SRPK2: variants seen among roughly 807,000 people sequenced by gnomAD.
SRPK2 encodes the protein SFRS protein kinase 2.
Under a neutral mutation model 90.8 loss-of-function variants are expected in SRPK2, and 21 were observed. The ratio of observed to expected loss-of-function variants is 0.23; its 90% confidence interval spans 0.16 to 0.33. SRPK2 has a LOEUF of 0.33. SRPK2 is among the 10% of genes least tolerant of loss of function. SRPK2 has a pLI of 1.00. For missense variants in SRPK2, 620 were observed against 869.0 expected (o/e 0.71, Z 3.60); for synonymous variants, 288 against 311.1 (o/e 0.93, Z 0.78).
At chr7:105,265,467 C>A (rs1054699183) in intron 2 of SRPK2, among the ~76,000 whole-genome samples, 10 of 152,220 alleles carry the variant, frequency 6.6e-5, no homozygotes, top group African/African-American at 2.4e-4. Context: ...TGGAACCAAT[C>A]AATCCCCCTT....
intron 6 of SRPK2, among the ~76,000 whole-genome samples, chr7:105,161,454 A>C (rs1192300215): frequency 1.3e-5 from 2 of 152,204 alleles, no homozygotes; most frequent in Admixed American, 1.3e-4. Context: ...TACTCCAAAC[A>C]ACCTTAGGCA....
At chr7:105,273,274 G>A (rs997787304) in intron 2 of SRPK2, among the ~76,000 whole-genome samples, 1 of 151,188 alleles carries the variant, frequency 6.6e-6, no homozygotes, top group African/African-American at 2.4e-5. Context: ...TATATCATAC[G>A]CTCTGGAAAT....
chr7:105,396,820 A>G (rs202081744), intron 1 of SRPK2, among the ~76,000 whole-genome samples: 3 of 120,302 alleles, frequency 2.5e-5, no homozygotes, highest in Admixed American at 9.3e-5. Flanking sequence ...GAAAGAGAGA[A>G]AGAGAGAGAG....
At chr7:105,323,740 T>C (rs1217197035) in intron 2 of SRPK2, among the ~76,000 whole-genome samples, 1 of 152,076 alleles carries the variant, frequency 6.6e-6, no homozygotes, top group Non-Finnish European at 1.5e-5. Flanking sequence ...AATAACACAG[T>C]AATTTCCAAA....
chr7:105,268,359 T>G (rs568258035), intron 2 of SRPK2, among the ~76,000 whole-genome samples: 1 of 152,312 alleles, frequency 6.6e-6, no homozygotes, highest in Non-Finnish European at 1.5e-5. Flanking sequence ...CCTTACCATA[T>G]AAGAATAAAT....
At chr7:105,224,701 G>C (rs994204796) in intron 2 of SRPK2, among the ~76,000 whole-genome samples, 1 of 152,260 alleles carries the variant, frequency 6.6e-6, no homozygotes, top group South Asian at 2.1e-4. Context: ...TCAAGTTTCA[G>C]TTTCCCCTCA....
At chr7:105,376,588 T>A (rs535462244) in intron 2 of SRPK2, among the ~76,000 whole-genome samples, 1 of 151,166 alleles carries the variant, frequency 6.6e-6, no homozygotes, top group East Asian at 1.9e-4. Flanking sequence ...TGCCCAGGCT[T>A]GAATGCAGTG....
chr7:105,350,548 G>A (rs1020625788), intron 2 of SRPK2, among the ~76,000 whole-genome samples: 29 of 108,284 alleles, frequency 2.7e-4, no homozygotes, highest in Non-Finnish European at 2.4e-4. Flanking sequence ...TTTTTTTTGA[G>A]ACGGAATCTC....
Position 105,218,583 on chromosome 7 carries a change from A to T in SRPK2, c.72-14798T>A, listed in dbSNP as rs569635864. ...AAGGCAGATAGAAATAAGAATTTGT[A>T]ATGGTCCAAAAGGTTTAATGAAAAG... On this transcript the variant is annotated intron_variant, in intron 2 of 15. Transcript: ENST00000393651. 3.3e-5 allele frequency among the ~76,000 whole-genome samples: 5 copies of T among 152,374 alleles called. No individual in the cohort carries two copies. In the South Asian group the frequency reaches 8.3e-4, roughly 25 times the overall value.
chr7:105,207,689 A>G (rs375136578), intron 2 of SRPK2, among the ~76,000 whole-genome samples: 60 of 152,316 alleles, frequency 3.9e-4, no homozygotes, highest in East Asian at 1.7e-3. Context: ...AAGAGCTAAA[A>G]CTATAAAACT....
intron 15 of SRPK2, among the ~76,000 whole-genome samples, chr7:105,121,260 G>A (rs1200040940): frequency 3.3e-5 from 5 of 151,754 alleles, no homozygotes; most frequent in East Asian, 3.9e-4. Flanking sequence ...CACAAAAATC[G>A]TTTGAACCCA....
chr7:105,158,798 T>G (rs1390525086), intron 7 of SRPK2, among the ~76,000 whole-genome samples: 2 of 151,036 alleles, frequency 1.3e-5, no homozygotes, highest in African/African-American at 4.9e-5. Context: ...TTTTATTTTT[T>G]TGTGTTTTTT....
intron 2 of SRPK2, among the ~76,000 whole-genome samples, chr7:105,210,725 G>A (rs1205519230): frequency 3.3e-5 from 5 of 152,090 alleles, no homozygotes; most frequent in African/African-American, 7.2e-5. Flanking sequence ...ACACTGGGTG[G>A]CCTGACCTAA....
At chr7:105,123,517 T>C (rs1029727835) in intron 15 of SRPK2, among the ~76,000 whole-genome samples, 1 of 152,208 alleles carries the variant, frequency 6.6e-6, no homozygotes, top group African/African-American at 2.4e-5. Context: ...ACAAAGTATT[T>C]TAGCTATTTT....
chr7:105,288,572 C>T (rs1435456693), intron 2 of SRPK2, among the ~76,000 whole-genome samples: 1 of 151,898 alleles, frequency 6.6e-6, no homozygotes, highest in East Asian at 1.9e-4. Flanking sequence ...CCAGCCCGAG[C>T]GACAGTGCAA....
intron 2 of SRPK2, among the ~76,000 whole-genome samples, chr7:105,285,386 A>AG (rs71152954): frequency 4.5e-3 from 77 of 17,228 alleles, no homozygotes; most frequent in African/African-American, 0.014. Flanking sequence ...CCCCGTCTCC[A>AG]AAAAAAAAAA....
At chr7:105,395,486 T>C (rs1266533006) in intron 1 of SRPK2, among the ~76,000 whole-genome samples, 1 of 150,854 alleles carries the variant, frequency 6.6e-6, no homozygotes, top group African/African-American at 2.4e-5. Flanking sequence ...TCCCAGCACT[T>C]TGGGAGGCCA....
chr7:105,365,324 A>C (rs914938379), intron 2 of SRPK2, among the ~76,000 whole-genome samples: 1 of 151,742 alleles, frequency 6.6e-6, no homozygotes, highest in Non-Finnish European at 1.5e-5. Flanking sequence ...ATCTCTACTA[A>C]AAATACAAAA....
chr7:105,380,170 C>T (rs1243591342), intron 2 of SRPK2, among the ~76,000 whole-genome samples: 1 of 152,218 alleles, frequency 6.6e-6, no homozygotes, highest in East Asian at 1.9e-4. Flanking sequence ...TTCACTGCGT[C>T]GCCCAGGCTG....
Sources: allele counts gnomAD v4.1 joint callset (sites outside exome capture counted in the v4.1 genomes callset), GRCh38; gene constraint gnomAD v4.1.1; transcripts MANE v1.5; gene names NCBI Gene and HGNC (gene_info 2026-07-23, HGNC 2026-07-21).